NAA50: variants seen among roughly 807,000 people sequenced by gnomAD.
The protein encoded by NAA50 is N-alpha-acetyltransferase 50, NatE catalytic subunit.
A neutral mutation model predicts 20.7 loss-of-function variants in NAA50; 7 were observed. That is an observed-to-expected ratio of 0.34 (90% CI 0.19 to 0.63). The LOEUF (loss-of-function observed/expected upper bound fraction) is 0.63, where lower values mean the gene tolerates loss of function less well. NAA50 is among the 30% of genes least tolerant of loss of function. The pLI, the probability that NAA50 is intolerant of heterozygous loss-of-function variation, is 0.75. For synonymous variants in NAA50, 54 were observed against 70.6 expected (o/e 0.77, Z 1.18); for missense variants, 111 against 199.1 (o/e 0.56, Z 2.66).
chr3:113,732,017 T>C (rs932095877), intron 1 of NAA50, among the ~76,000 whole-genome samples: 4 of 152,190 alleles, frequency 2.6e-5, no homozygotes, highest in African/African-American at 9.7e-5. Flanking sequence ...CAAATATTTT[T>C]AGCTTTTAAA....
chr3:113,739,319 C>T (rs1174607862), intron 1 of NAA50: 2 of 152,140 alleles, frequency 1.3e-5, no homozygotes. Flanking sequence ...TTTCGTTAGC[C>T]CTTGGAAAGA....
chr3:113,743,573 A>G (rs1708447799), intron 1 of NAA50, among the ~76,000 whole-genome samples: 1 of 152,206 alleles, frequency 6.6e-6, no homozygotes, highest in Non-Finnish European at 1.5e-5. Flanking sequence ...TCATTTGTTG[A>G]GTGTCTTAAA....
rs572087362 is a variant in NAA50, at chr3:113,718,604, C to G, written c.*3156G>C. 1 of 152,186 alleles carries G rather than the reference C, an allele frequency of 6.6e-6. No homozygotes were observed. Among genetic ancestry groups the G allele is most frequent in the East Asian group, 1.9e-4 (1 of 5,196 alleles). 9.4% of individuals were successfully genotyped at this position (152,186 alleles called of 1,614,324 possible). ...GCCAATTCCCAACTCATTGAACTACCGTACTCCTTCCTTACAAGGAAGAAA... is the reference window on the plus strand; with the variant it reads ...GCCAATTCCCAACTCATTGAACTACGGTACTCCTTCCTTACAAGGAAGAAA... On this transcript the variant is annotated 3_prime_UTR_variant, in exon 5 of 5. Coordinates refer to ENST00000240922, the MANE Select transcript of NAA50 (RefSeq NM_025146.4).
intron 1 of NAA50, among the ~76,000 whole-genome samples, chr3:113,732,320 A>G (rs142640595): frequency 9.8e-5 from 15 of 152,348 alleles, no homozygotes; most frequent in African/African-American, 3.6e-4. Context: ...GGAGCTAAGG[A>G]ATGCAGGTTG....
At chr3:113,739,077 C>A (rs1265513875) in intron 1 of NAA50, among the ~76,000 whole-genome samples, 1 of 152,084 alleles carries the variant, frequency 6.6e-6, no homozygotes. Context: ...AAATAATCAT[C>A]AAATCTTTAA....
At chr3:113,734,098 T>A (rs547138985) in intron 1 of NAA50, among the ~76,000 whole-genome samples, 1 of 152,180 alleles carries the variant, frequency 6.6e-6, no homozygotes, top group Admixed American at 6.5e-5. Context: ...TTTCCACACA[T>A]ACACCATGGA....
chr3:113,724,127 A>G, intron 1 of NAA50, 32 bp from the exon 2 acceptor site: 1 of 1,511,810 alleles, frequency 6.6e-7, no homozygotes, highest in Non-Finnish European at 8.9e-7. Flanking sequence ...TCAATAAAAC[A>G]TAATTAGCCC....
At chr3:113,733,124 T>C (rs1366295547) in intron 1 of NAA50, among the ~76,000 whole-genome samples, 3 of 152,194 alleles carry the variant, frequency 2.0e-5, no homozygotes, top group Admixed American at 6.5e-5. Context: ...TGCTTTTACA[T>C]TGGATTGCTT....
At chr3:113,737,475 C>A (rs1708359123) in intron 1 of NAA50, among the ~76,000 whole-genome samples, 1 of 152,190 alleles carries the variant, frequency 6.6e-6, no homozygotes, top group Non-Finnish European at 1.5e-5. Flanking sequence ...TAACCTGTCA[C>A]CCACTGAGAT....
At chr3:113,745,542 G>C (rs1424458298) in intron 1 of NAA50, among the ~76,000 whole-genome samples, 1 of 152,210 alleles carries the variant, frequency 6.6e-6, no homozygotes, top group Non-Finnish European at 1.5e-5. Flanking sequence ...CGCAGTTCCA[G>C]AGTTGAGTCT....
At chr3:113,742,215 T>C (rs192408092) in intron 1 of NAA50, among the ~76,000 whole-genome samples, 1 of 152,322 alleles carries the variant, frequency 6.6e-6, no homozygotes, top group Non-Finnish European at 1.5e-5. Context: ...GACTAGCTTT[T>C]GGTTTTGCTG....
At chr3:113,738,333 A>C (rs1362051344) in intron 1 of NAA50, among the ~76,000 whole-genome samples, 1 of 152,252 alleles carries the variant, frequency 6.6e-6, no homozygotes, top group Non-Finnish European at 1.5e-5. Flanking sequence ...ATCCAAGCCA[A>C]TATTTCTGAC....
At position 113,719,441 on chromosome 3, in the gene NAA50, C is replaced by CA. The variant is rs2107981713; in HGVS notation, c.*2318dup. 6.5e-6 allele frequency: 1 copy of CA among 152,672 alleles called. No homozygotes were observed. Among genetic ancestry groups the CA allele is most frequent in the African/African-American group, 2.4e-5 (1 of 41,536 alleles). The allele number at this position is 152,672 out of a possible 1,614,324, so 9.5% of individuals were successfully genotyped here. On this transcript the variant is annotated 3_prime_UTR_variant, in exon 5 of 5. Coordinates refer to ENST00000240922, the MANE Select transcript of NAA50 (RefSeq NM_025146.4). Reference sequence around the variant, plus strand: ...TTCAAAGATAATTATTATCATATATCAAAATAACCAGCTCAACATAGGACA... The same window carrying CA: ...TTCAAAGATAATTATTATCATATATCAAAAATAACCAGCTCAACATAGGACA...
intron 1 of NAA50, among the ~76,000 whole-genome samples, chr3:113,727,220 T>C (rs200962502): frequency 6.6e-6 from 1 of 152,182 alleles, no homozygotes; most frequent in Non-Finnish European, 1.5e-5. Flanking sequence ...TTTGTATTAA[T>C]TTAGAGCATC....
At chr3:113,729,460 T>C (rs766048848) in intron 1 of NAA50, among the ~76,000 whole-genome samples, 57 of 152,186 alleles carry the variant, frequency 3.7e-4, no homozygotes, top group Non-Finnish European at 4.0e-4. Context: ...ATTTGACGCT[T>C]TTATCATTTT....
chr3:113,723,591 T>C (rs1708162701), intron 2 of NAA50, 50 bp from the exon 3 acceptor site: 1 of 1,536,736 alleles, frequency 6.5e-7, no homozygotes, highest in Non-Finnish European at 8.8e-7. Context: ...GAATAACACA[T>C]TTAATCTTTT....
At position 113,723,410 on chromosome 3, in the gene NAA50, A is replaced by C; in HGVS notation, c.265+12T>G. ...GCTTCTCTGAAGAAGTAAAAAAACC[A>C]CAATTTTTTACCTATTCCTAGCCTT... is the stretch of plus-strand genomic sequence containing the variant. On this transcript the variant is annotated intron_variant, in intron 3 of 4. Transcript: ENST00000240922. 1 of 1,595,736 alleles carries C rather than the reference A, an allele frequency of 6.3e-7. No individual in the cohort carries two copies. Among genetic ancestry groups the C allele is most frequent in the Non-Finnish European group, 8.5e-7 (1 of 1,172,712 alleles).
chr3:113,744,150 T>G (rs1037173509), intron 1 of NAA50, among the ~76,000 whole-genome samples: 1 of 151,454 alleles, frequency 6.6e-6, no homozygotes, highest in Non-Finnish European at 1.5e-5. Flanking sequence ...TGAGTAAGAG[T>G]CAGCAACCAT....
intron 1 of NAA50, among the ~76,000 whole-genome samples, chr3:113,743,732 A>G (rs2107997170): frequency 6.6e-6 from 1 of 152,340 alleles, no homozygotes; most frequent in Non-Finnish European, 1.5e-5. Flanking sequence ...AAGAAGTAAT[A>G]GGAACTTCAC....
Sources: gnomAD v4.1 joint callset for allele counts (sites outside exome capture counted in the v4.1 genomes callset) on GRCh38, gnomAD v4.1.1 for gene constraint, MANE v1.5 for transcripts, NCBI Gene and HGNC (gene_info 2026-07-23, HGNC 2026-07-21) for gene names.